The following FNBP1L variants were observed in gnomAD, a reference collection of about 807,000 sequenced individuals.
FNBP1L encodes the protein formin binding protein 1 like, also known as formin-binding protein 1-like.
In FNBP1L, 36 loss-of-function variants were observed where a neutral mutation model predicts 91.2. That is an observed-to-expected ratio of 0.39 (90% CI 0.30 to 0.52). The LOEUF (loss-of-function observed/expected upper bound fraction) is 0.52, where lower values mean the gene tolerates loss of function less well. Among genes scored for constraint, FNBP1L ranks in the 20% least tolerant of loss-of-function variants. FNBP1L has a pLI of 0.66. For missense variants in FNBP1L, 571 were observed against 732.1 expected, an observed-to-expected ratio of 0.78 and a Z score of 2.54; for synonymous variants, 242 against 237.0, an observed-to-expected ratio of 1.02 and a Z score of -0.19.
chr1:93,462,496 CT>C (rs1237048888), intron 1 of FNBP1L, among the ~76,000 whole-genome samples: 1 of 152,012 alleles, frequency 6.6e-6, no homozygotes, highest in East Asian at 1.9e-4. Context: ...CCTAATACCC[CT>C]TTTTTTGTTC....
In FNBP1L at chr1:93,551,017, C is replaced by A. The variant is rs772784653; in HGVS notation, c.1722C>A (p.Asp574Glu). The change falls in exon 16 of 17, where the codon GAC becomes GAA. Residue 574 changes from aspartate (D) to glutamate (E), a missense_variant. Physicochemically the swap from Asp to Glu is conservative, Grantham distance 45. This residue lies in a region of FNBP1L where 189 missense variants were observed against 219.7 expected (regional missense o/e 0.86). Coordinates refer to ENST00000271234, the MANE Select transcript of FNBP1L (RefSeq NM_001164473.3). ...ACATTATAGAGGAGGACAAAGGTGA[C>A]GGATGGACAAGAGCTCGGAGACAGA... The part of the protein sequence containing the change: ...VLYIIEEDKG[D>E]GWTRARRQNG... 4 of 1,612,340 alleles carry A rather than the reference C, an allele frequency of 2.5e-6. No homozygotes were observed. The highest frequency in any genetic ancestry group is 3.4e-6 in the Non-Finnish European group (4 of 1,179,108).
intron 2 of FNBP1L, among the ~76,000 whole-genome samples, chr1:93,512,683 A>C (rs1341739793): frequency 6.6e-6 from 1 of 150,628 alleles, no homozygotes; most frequent in Non-Finnish European, 1.5e-5. Context: ...CTGGGTACAT[A>C]ACGAAATGAA....
At chr1:93,494,839 G>T (rs1427421626) in intron 1 of FNBP1L, among the ~76,000 whole-genome samples, 1 of 152,190 alleles carries the variant, frequency 6.6e-6, no homozygotes, top group Admixed American at 6.5e-5. Flanking sequence ...CAAATGAGGA[G>T]CAAAGTCACG....
At chr1:93,519,194 T>C (rs1023645194) in intron 2 of FNBP1L, among the ~76,000 whole-genome samples, 4 of 152,222 alleles carry the variant, frequency 2.6e-5, no homozygotes, top group African/African-American at 9.7e-5. Context: ...TATTCAGAGT[T>C]CCTTCATATG....
At chr1:93,514,301 G>A (rs1331920709) in intron 2 of FNBP1L, among the ~76,000 whole-genome samples, 49 of 151,234 alleles carry the variant, frequency 3.2e-4, no homozygotes, top group Admixed American at 4.6e-4. Flanking sequence ...TTCCATGCTC[G>A]TGGGTAGGAA....
At chr1:93,472,277 A>G (rs1669313832) in intron 1 of FNBP1L, among the ~76,000 whole-genome samples, 1 of 152,160 alleles carries the variant, frequency 6.6e-6, no homozygotes, top group South Asian at 2.1e-4. Context: ...TATTAAATTG[A>G]TTTCACGAAT....
At chr1:93,547,529 C>A in intron 14 of FNBP1L, 88 bp downstream of exon 14, 1 of 1,117,236 alleles carries the variant, frequency 9.0e-7, no homozygotes, top group Non-Finnish European at 1.3e-6. Flanking sequence ...TTTTTTTCTT[C>A]CAAATTTAAC....
chr1:93,450,644 A>C (rs768071729), intron 1 of FNBP1L, among the ~76,000 whole-genome samples: 3 of 152,236 alleles, frequency 2.0e-5, no homozygotes, highest in Non-Finnish European at 4.4e-5. Flanking sequence ...TGCTCTTGCC[A>C]TTGAGGAATT....
At chr1:93,542,301 C>T (rs1036332842) in intron 11 of FNBP1L, among the ~76,000 whole-genome samples, 6 of 151,922 alleles carry the variant, frequency 3.9e-5, no homozygotes, top group African/African-American at 1.5e-4. Flanking sequence ...AAACCTTCAA[C>T]TCCAAAGTAG....
rs371339562 is a variant in FNBP1L at position 93,529,708 on chromosome 1, T to C, written c.462T>C (p.Tyr154=). 3.3e-6 allele frequency: 5 copies of C among 1,531,374 alleles called. No individual in the cohort carries two copies. In the South Asian group the frequency reaches 5.1e-5, roughly 16 times the overall value. 94.9% of individuals were successfully genotyped at this position (1,531,374 alleles called of 1,614,324 possible). The change falls in exon 6 of 17, where the codon TAT becomes TAC. Residue 154 remains tyrosine (Y), a synonymous_variant. Transcript: ENST00000271234. ...AGGCAGAAAAGGCACAACAGAGTTA[T>C]GAAAGATTGGATAATGATACTAATG... ...CREAEKAQQS[Y]ERLDNDTNAT...
At chr1:93,541,288 C>T (rs994279182) in intron 11 of FNBP1L, among the ~76,000 whole-genome samples, 2 of 152,022 alleles carry the variant, frequency 1.3e-5, no homozygotes, top group Admixed American at 1.3e-4. Flanking sequence ...TGAATGGAGT[C>T]CTTGTCATGT....
intron 1 of FNBP1L, among the ~76,000 whole-genome samples, chr1:93,454,726 ATAC>A (rs1271953067): frequency 6.6e-6 from 1 of 152,142 alleles, no homozygotes; most frequent in East Asian, 1.9e-4. Flanking sequence ...TGGACTGGAA[ATAC>A]TAATTAAAAC....
At chr1:93,509,997 T>C (rs920264743) in intron 2 of FNBP1L, among the ~76,000 whole-genome samples, 2 of 152,100 alleles carry the variant, frequency 1.3e-5, no homozygotes, top group African/African-American at 4.8e-5. Context: ...AGCACAGCAG[T>C]CTGAGATCAA....
rs1470478066 is a variant in FNBP1L at position 93,448,119 on chromosome 1, G to C, written c.-163G>C. The C allele has an allele frequency of 4.7e-6, 4 of 859,044 alleles. No individual in the cohort carries two copies. The highest frequency in any genetic ancestry group is 3.6e-5 in the African/African-American group (2 of 54,886). 53.2% of individuals were successfully genotyped at this position (859,044 alleles called of 1,614,324 possible). Reference sequence around the variant, plus strand: ...CGCGTCGGCGGCGGAGGCTTCTCCAGTCGCGTCTTTCTCACTCACTGGGGA... The same window carrying C: ...CGCGTCGGCGGCGGAGGCTTCTCCACTCGCGTCTTTCTCACTCACTGGGGA... On this transcript the variant is annotated 5_prime_UTR_variant, in exon 1 of 17. Transcript: ENST00000271234.
intron 2 of FNBP1L, among the ~76,000 whole-genome samples, chr1:93,521,152 T>C (rs1314569113): frequency 6.6e-6 from 1 of 152,162 alleles, no homozygotes; most frequent in Non-Finnish European, 1.5e-5. Flanking sequence ...GCTAGTCTCT[T>C]TCTGATTTTG....
chr1:93,536,601 A>C, intron 10 of FNBP1L, 111 bp downstream of exon 10: 3 of 972,574 alleles, frequency 3.1e-6, no homozygotes, highest in Non-Finnish European at 4.2e-6. Context: ...CACAGTTTAA[A>C]AACACCACAG....
chr1:93,459,312 A>G (rs754532006), intron 1 of FNBP1L, among the ~76,000 whole-genome samples: 1 of 152,162 alleles, frequency 6.6e-6, no homozygotes, highest in African/African-American at 2.4e-5. Flanking sequence ...GGGGACTACT[A>G]TATTTGTAAA....
intron 10 of FNBP1L, among the ~76,000 whole-genome samples, chr1:93,539,448 G>A (rs1274823869): frequency 6.6e-6 from 1 of 151,868 alleles, no homozygotes; most frequent in Non-Finnish European, 1.5e-5. Context: ...CTTGAGCTTT[G>A]TATATCCCCA....
At chr1:93,475,955 C>G (rs1322880319) in intron 1 of FNBP1L, among the ~76,000 whole-genome samples, 1 of 151,884 alleles carries the variant, frequency 6.6e-6, no homozygotes, top group Admixed American at 6.6e-5. Flanking sequence ...TGTTTTGTTA[C>G]CCGACTCAAT....
Sources: allele counts gnomAD v4.1 joint callset (sites outside exome capture counted in the v4.1 genomes callset), GRCh38; gene constraint gnomAD v4.1.1; regional missense constraint gnomAD v4.1.1; transcripts MANE v1.5; gene names NCBI Gene and HGNC (gene_info 2026-07-23, HGNC 2026-07-21).